The following GALNTL6 variants were observed in gnomAD, a reference collection of about 807,000 sequenced individuals.
GALNTL6 encodes polypeptide N-acetylgalactosaminyltransferase-like 6.
A neutral mutation model predicts 73.7 loss-of-function variants in GALNTL6; 46 were observed. That is an observed-to-expected ratio of 0.62 (90% CI 0.49 to 0.80). GALNTL6 has a LOEUF of 0.80. GALNTL6 is among the 30% of genes least tolerant of loss of function. The pLI is 0.00. For missense variants in GALNTL6, 604 were observed against 755.0 expected (o/e 0.80, Z 2.34); for synonymous variants, 259 against 263.7 (o/e 0.98, Z 0.17).
rs190767659 is a variant in GALNTL6, at chr4:172,489,916, A to G, written c.553+141227A>G. 2.4e-3 allele frequency among the ~76,000 whole-genome samples: 364 copies of G among 152,306 alleles called. 1 individual carries two copies. Among genetic ancestry groups the G allele is most frequent in the Non-Finnish European group, 3.9e-3 (264 of 68,026 alleles). ...TGTACTTTACCATGCTACATATTGG[A>G]TACAAAATAATTAGATACTGAAAAA... On this transcript the variant is annotated intron_variant, in intron 5 of 12. Transcript: ENST00000506823.
At chr4:172,215,683 T>C (rs1037586689) in intron 2 of GALNTL6, among the ~76,000 whole-genome samples, 1 of 152,162 alleles carries the variant, frequency 6.6e-6, no homozygotes, top group Admixed American at 6.5e-5. Flanking sequence ...ATCTCTGTGA[T>C]TTAACTGCTC....
At chr4:172,601,473 T>C (rs1738049708) in intron 5 of GALNTL6, among the ~76,000 whole-genome samples, 1 of 152,100 alleles carries the variant, frequency 6.6e-6, no homozygotes, top group Non-Finnish European at 1.5e-5. Flanking sequence ...TAGGTTGTTA[T>C]AAAAGGCAGT....
At chr4:172,338,623 A>C (rs1741433617) in intron 4 of GALNTL6, among the ~76,000 whole-genome samples, 1 of 152,190 alleles carries the variant, frequency 6.6e-6, no homozygotes, top group Non-Finnish European at 1.5e-5. Flanking sequence ...GGTAAAAGCC[A>C]GCTGTGGCCA....
chr4:172,876,945 T>C (rs1320702537), intron 7 of GALNTL6, among the ~76,000 whole-genome samples: 1 of 152,226 alleles, frequency 6.6e-6, no homozygotes, highest in Non-Finnish European at 1.5e-5. Context: ...GTGGTTCATC[T>C]ATATGTTTAT....
At chr4:172,591,812 A>G (rs1737648192) in intron 5 of GALNTL6, among the ~76,000 whole-genome samples, 1 of 152,178 alleles carries the variant, frequency 6.6e-6, no homozygotes, top group Non-Finnish European at 1.5e-5. Context: ...AAAATAAGAA[A>G]AGTCGTCAAA....
chr4:172,781,136 G>A (rs192023327), intron 5 of GALNTL6, among the ~76,000 whole-genome samples: 1 of 152,300 alleles, frequency 6.6e-6, no homozygotes, highest in African/African-American at 2.4e-5. Context: ...AGTTAAGGAA[G>A]TCTGCCTGCA....
At chr4:172,981,653 C>G (rs1192683437) in intron 10 of GALNTL6, among the ~76,000 whole-genome samples, 1 of 151,958 alleles carries the variant, frequency 6.6e-6, no homozygotes, top group Non-Finnish European at 1.5e-5. Context: ...TTTGTTCTTC[C>G]TTTTCAAGAT....
chr4:172,233,624 A>G (rs1319634304), intron 3 of GALNTL6, among the ~76,000 whole-genome samples: 6 of 152,086 alleles, frequency 3.9e-5, no homozygotes, highest in Non-Finnish European at 8.8e-5. Flanking sequence ...TCTGTGAGTA[A>G]AAATCCCTGT....
At chr4:172,418,207 C>CT (rs897725622) in intron 5 of GALNTL6, among the ~76,000 whole-genome samples, 2 of 151,896 alleles carry the variant, frequency 1.3e-5, no homozygotes, top group Non-Finnish European at 2.9e-5. Flanking sequence ...AAAAGTAAAA[C>CT]TTTTTTTTAG....
chr4:172,066,012 C>T (rs920345946), intron 2 of GALNTL6, among the ~76,000 whole-genome samples: 1 of 152,156 alleles, frequency 6.6e-6, no homozygotes, highest in African/African-American at 2.4e-5. Flanking sequence ...GACACAGAGC[C>T]AAACAACACC....
At chr4:172,953,218 GAA>G (rs953517746) in intron 10 of GALNTL6, among the ~76,000 whole-genome samples, 21 of 152,344 alleles carry the variant, frequency 1.4e-4, no homozygotes, top group Admixed American at 1.3e-3. Context: ...TTTTGGCATA[GAA>G]AAGACTATTG....
intron 5 of GALNTL6, among the ~76,000 whole-genome samples, chr4:172,663,096 G>GCTTAAGA (rs1731466902): frequency 6.6e-6 from 1 of 152,176 alleles, no homozygotes; most frequent in South Asian, 2.1e-4. Context: ...CATGTGGAGG[G>GCTTAAGA]TGGAGAATGG....
chr4:172,161,890 T>G (rs1463779595), intron 2 of GALNTL6, among the ~76,000 whole-genome samples: 1 of 151,866 alleles, frequency 6.6e-6, no homozygotes, highest in Non-Finnish European at 1.5e-5. Flanking sequence ...AAAAAAGAAA[T>G]AGTATGTAAA....
intron 5 of GALNTL6, among the ~76,000 whole-genome samples, chr4:172,358,151 C>G (rs187751334): frequency 6.6e-6 from 1 of 152,228 alleles, no homozygotes; most frequent in African/African-American, 2.4e-5. Flanking sequence ...GGTTAAGAGC[C>G]TCAGCATTGG....
At chr4:172,617,886 G>A (rs1738801965) in intron 5 of GALNTL6, among the ~76,000 whole-genome samples, 1 of 152,100 alleles carries the variant, frequency 6.6e-6, no homozygotes, top group Non-Finnish European at 1.5e-5. Flanking sequence ...CCACCCCTTT[G>A]CTGCTATTAT....
intron 4 of GALNTL6, among the ~76,000 whole-genome samples, chr4:172,327,235 A>ATATC (rs756285245): frequency 6.6e-6 from 1 of 152,010 alleles, no homozygotes; most frequent in Non-Finnish European, 1.5e-5. Flanking sequence ...TTTGATTTTT[A>ATATC]TATCTATTGT....
intron 9 of GALNTL6, among the ~76,000 whole-genome samples, chr4:172,944,114 A>T (rs1281242741): frequency 6.6e-6 from 1 of 152,230 alleles, no homozygotes; most frequent in Non-Finnish European, 1.5e-5. Flanking sequence ...ACCATAGAAA[A>T]AAATTGACAA....
chr4:172,683,736 T>A (rs1732763093), intron 5 of GALNTL6, among the ~76,000 whole-genome samples: 1 of 152,176 alleles, frequency 6.6e-6, no homozygotes, highest in African/African-American at 2.4e-5. Context: ...ACACATAAAT[T>A]GAACAGAATG....
At chr4:172,790,257 T>G (rs1739919964) in intron 5 of GALNTL6, among the ~76,000 whole-genome samples, 1 of 152,172 alleles carries the variant, frequency 6.6e-6, no homozygotes, top group African/African-American at 2.4e-5. Context: ...TCTTATGGAG[T>G]GAGTTGTGTT....
Sources: gnomAD v4.1 joint callset for allele counts (sites outside exome capture counted in the v4.1 genomes callset) on GRCh38, gnomAD v4.1.1 for gene constraint, MANE v1.5 for transcripts, NCBI Gene and HGNC (gene_info 2026-07-23, HGNC 2026-07-21) for gene names.